Variants in POLQ observed in about 807,000 individuals in gnomAD.
POLQ encodes the protein DNA polymerase theta, also known as epididymis secretory sperm binding protein.
A neutral mutation model predicts 259.2 loss-of-function variants in POLQ; 233 were observed. The observed-to-expected ratio is 0.90, with a 90% CI of 0.81 to 1.00. The LOEUF (loss-of-function observed/expected upper bound fraction) is 1.00. Among genes scored for constraint, POLQ ranks in the 50% least tolerant of loss-of-function variants. POLQ has a pLI of 0.00. For synonymous variants in POLQ, 1,025 were observed against 1,048.8 expected, an observed-to-expected ratio of 0.98 and a Z score of 0.44; for missense variants, 2,871 against 3,051.6, an observed-to-expected ratio of 0.94 and a Z score of 1.39.
intron 24 of POLQ, among the ~76,000 whole-genome samples, chr3:121,463,505 A>C (rs2047810367): frequency 6.6e-6 from 1 of 152,194 alleles, no homozygotes; most frequent in Non-Finnish European, 1.5e-5. Context: ...ATGATAGATC[A>C]ATCAAATTGC....
At chr3:121,500,631 TAGAA>T (rs1279148115) in intron 12 of POLQ, among the ~76,000 whole-genome samples, 1 of 151,934 alleles carries the variant, frequency 6.6e-6, no homozygotes, top group Admixed American at 6.6e-5. Flanking sequence ...CAGGAGAAGA[TAGAA>T]AGGAAAAGGA....
chr3:121,488,963 T>A lies in POLQ; in HGVS notation c.3968A>T (p.Tyr1323Phe), dbSNP rs778552720. The change falls in exon 16 of 30, where the codon TAT (tyrosine) becomes TTT (phenylalanine). Residue 1323 changes from tyrosine (Y) to phenylalanine (F), a missense_variant. By Grantham distance (22) the Tyr-to-Phe change is conservative. Coordinates refer to ENST00000264233, the MANE Select transcript of POLQ (RefSeq NM_199420.4). ...LVLCDFEDSF[Y>F]LDTQSEKIIQ... ...TATTTTCTCTGACTGAGTATCCAGA[T>A]AGAAACTATCTTCAAAATCACAGAG... is the stretch of plus-strand genomic sequence containing the variant. 3.7e-6 allele frequency: 6 copies of A among 1,613,848 alleles called. No individual in the cohort carries two copies. Among genetic ancestry groups the A allele is most frequent in the Non-Finnish European group, 3.4e-6 (4 of 1,179,732 alleles).
intron 12 of POLQ, among the ~76,000 whole-genome samples, chr3:121,506,426 C>G (rs569112174): frequency 3.5e-5 from 1 of 28,304 alleles, no homozygotes; most frequent in East Asian, 0.014. Flanking sequence ...TTCCCCCAGC[C>G]CTGGGTAACT....
chr3:121,510,096 T>C lies in POLQ; in HGVS notation c.1759A>G (p.Met587Val). 1 of 1,614,124 alleles carries C rather than the reference T, an allele frequency of 6.2e-7. No homozygotes were observed. Among genetic ancestry groups the C allele is most frequent in the Non-Finnish European group, 8.5e-7 (1 of 1,179,964 alleles). ...VQLGAIEACV[M>V]WLLENEFIQS... ...ATGAATTCATTTTCTAGTAGCCACA[T>C]CACACAGGCCTCAATCGCTCCAAGC... The change falls in exon 11 of 30, where the codon ATG (methionine) becomes GTG (valine). Residue 587 changes from methionine to valine, a missense_variant. Met to Val is a conservative substitution (Grantham distance 21). Around this residue, in one of 3 missense-constraint regions of POLQ, gnomAD observed 783 missense variants for 906.2 expected, o/e 0.86. Transcript: ENST00000264233.
intron 9 of POLQ, among the ~76,000 whole-genome samples, chr3:121,514,103 C>T (rs376142574): frequency 1.6e-3 from 233 of 141,444 alleles, no homozygotes; most frequent in Middle Eastern, 0.013. Flanking sequence ...CCAAGGTGGA[C>T]GGATCACCTG....
intron 15 of POLQ, among the ~76,000 whole-genome samples, chr3:121,491,154 A>G (rs967210134): frequency 2.6e-5 from 4 of 152,066 alleles, no homozygotes; most frequent in African/African-American, 9.7e-5. Flanking sequence ...GGAGTTCAAG[A>G]CCAGCCTGAC....
intron 5 of POLQ, among the ~76,000 whole-genome samples, chr3:121,534,196 T>A (rs1254030105): frequency 6.6e-6 from 1 of 151,896 alleles, no homozygotes; most frequent in Non-Finnish European, 1.5e-5. Flanking sequence ...CAAAAGCCTG[T>A]TTTTTTGTCC....
intron 7 of POLQ, among the ~76,000 whole-genome samples, chr3:121,528,338 A>G (rs1311427726): frequency 1.3e-5 from 2 of 149,560 alleles, no homozygotes; most frequent in Non-Finnish European, 3.0e-5. Flanking sequence ...TGGGCTGGAA[A>G]TTTTAATTTT....
intron 3 of POLQ, among the ~76,000 whole-genome samples, chr3:121,539,842 T>G (rs1178047715): frequency 6.6e-6 from 1 of 152,102 alleles, no homozygotes; most frequent in Admixed American, 6.5e-5. Flanking sequence ...TCTAAAAACT[T>G]CTAAGAGCTA....
intron 25 of POLQ, among the ~76,000 whole-genome samples, chr3:121,456,131 A>C (rs1469210906): frequency 3.9e-5 from 6 of 152,208 alleles, no homozygotes; most frequent in South Asian, 2.1e-4. Flanking sequence ...GAGAAAAAAA[A>C]CACATGATTA....
intron 7 of POLQ, among the ~76,000 whole-genome samples, chr3:121,524,637 T>C (rs2048359904): frequency 6.6e-6 from 1 of 152,100 alleles, no homozygotes; most frequent in Non-Finnish European, 1.5e-5. Flanking sequence ...ATACATACTG[T>C]ATGACTTTAT....
rs1012051403 is a variant in POLQ, at chr3:121,463,430, A to C, written c.6968-3196T>G. The stretch of plus-strand genomic sequence containing the variant: ...CAGTCTCAGGTAGGTCTTTATTAGC[A>C]GCATGACAACGGACTAATACACCAC... On this transcript the variant is annotated intron_variant, in intron 24 of 29. Coordinates refer to ENST00000264233, the MANE Select transcript of POLQ (RefSeq NM_199420.4). Among the ~76,000 whole-genome samples the C allele has an allele frequency of 3.3e-5, 5 of 152,236 alleles. No homozygotes were observed. The East Asian group carries it at 9.6e-4, about 29-fold the overall frequency.
intron 5 of POLQ, among the ~76,000 whole-genome samples, chr3:121,535,715 CAAA>C (rs34317903): frequency 1.9e-5 from 2 of 107,388 alleles, no homozygotes; most frequent in Non-Finnish European, 1.8e-5. Context: ...AACTCCATCT[CAAA>C]AAAAAAAAAA....
chr3:121,434,596 C>A (rs1576395611), intron 28 of POLQ, among the ~76,000 whole-genome samples: 1 of 152,190 alleles, frequency 6.6e-6, no homozygotes, highest in Middle Eastern at 3.4e-3. Flanking sequence ...GAATGAGGGG[C>A]CTCAGGTATT....
At chr3:121,435,012 A>T (rs183440205) in intron 28 of POLQ, among the ~76,000 whole-genome samples, 10 of 152,222 alleles carry the variant, frequency 6.6e-5, no homozygotes, top group Admixed American at 2.6e-4. Flanking sequence ...AAATTTTTTT[A>T]AATTAGCCAG....
At chr3:121,512,300 A>G (rs1047139666) in intron 9 of POLQ, among the ~76,000 whole-genome samples, 6 of 152,206 alleles carry the variant, frequency 3.9e-5, no homozygotes, top group African/African-American at 1.4e-4. Flanking sequence ...TCCTCTCCCT[A>G]TCTGCCTAAA....
At chr3:121,465,671 T>C (rs1002890659) in intron 24 of POLQ, among the ~76,000 whole-genome samples, 2 of 152,226 alleles carry the variant, frequency 1.3e-5, no homozygotes, top group Non-Finnish European at 2.9e-5. Context: ...TTATCTGTTA[T>C]GGTGATCTTT....
At position 121,468,289 on chromosome 3, in the gene POLQ, G is replaced by A. The variant is rs753410827; in HGVS notation, c.6845+16C>T. ...ACAAAAGTTTATTAATACAGATACA[G>A]AGAAACAGCACCTACCTGCCCATGG... On this transcript the variant is annotated intron_variant, in intron 23 of 29. Coordinates refer to ENST00000264233, the MANE Select transcript of POLQ (RefSeq NM_199420.4). 10 of 1,599,678 alleles carry A rather than the reference G, an allele frequency of 6.3e-6. No homozygotes were observed. In the South Asian group the frequency reaches 9.1e-5, roughly 15 times the overall value.
At position 121,460,064 on chromosome 3, in the gene POLQ, G is replaced by T; in HGVS notation, c.7138C>A (p.Gln2380Lys). Reference sequence around the variant, plus strand: ...ACTAAAATCACCTGTTTTGCCTGCTGCCTCAGATCATCCCCAACAGACTCT... The same window carrying T: ...ACTAAAATCACCTGTTTTGCCTGCTTCCTCAGATCATCCCCAACAGACTCT... ...EPESVGDDLR[Q>K]QAKQICYGII... The change falls in exon 25 of 30, where the codon CAG (glutamine) becomes AAG (lysine). Residue 2380 changes from glutamine (Q) to lysine (K), a missense_variant. Gln to Lys is a moderately conservative substitution (Grantham distance 53). Coordinates refer to ENST00000264233, the MANE Select transcript of POLQ (RefSeq NM_199420.4). 6.2e-7 allele frequency: 1 copy of T among 1,613,478 alleles called. No homozygotes were observed. The highest frequency in any genetic ancestry group is 8.5e-7 in the Non-Finnish European group (1 of 1,179,518).
Sources: gnomAD v4.1 joint callset for allele counts (sites outside exome capture counted in the v4.1 genomes callset) on GRCh38, gnomAD v4.1.1 for gene constraint, gnomAD v4.1.1 regional missense constraint, MANE v1.5 for transcripts, NCBI Gene and HGNC (gene_info 2026-07-23, HGNC 2026-07-21) for gene names.